PVT1: variants seen among roughly 807,000 people sequenced by gnomAD.
PVT1 encodes the protein Pvt1 oncogene.
At chr8:128,072,359 C>T (rs940820447) in intron 5 of PVT1, among the ~76,000 whole-genome samples, 1 of 152,180 alleles carries the variant, frequency 6.6e-6, no homozygotes. Flanking sequence ...AAAGACACAG[C>T]GCTCAATTCC....
At chr8:127,916,241 G>T (rs999244420) in intron 3 of PVT1, among the ~76,000 whole-genome samples, 10 of 152,200 alleles carry the variant, frequency 6.6e-5, no homozygotes, top group African/African-American at 2.2e-4. Context: ...AGTGCTTTGA[G>T]AATGGAAAAG....
At chr8:127,841,245 G>T (rs1814970102) in intron 2 of PVT1, among the ~76,000 whole-genome samples, 1 of 152,142 alleles carries the variant, frequency 6.6e-6, no homozygotes, top group Non-Finnish European at 1.5e-5. Flanking sequence ...GGAAGGGGAG[G>T]TAGGTACTAT....
At chr8:127,941,125 G>T (rs1037171711) in intron 3 of PVT1, among the ~76,000 whole-genome samples, 20 of 152,194 alleles carry the variant, frequency 1.3e-4, no homozygotes, top group Non-Finnish European at 8.8e-5. Flanking sequence ...CGCTAGGCTT[G>T]TGGCCTCCTC....
At chr8:127,961,464 A>G in intron 3 of PVT1, among the ~76,000 whole-genome samples, 1 of 152,208 alleles carries the variant, frequency 6.6e-6, no homozygotes. Context: ...TGTGTGTTGT[A>G]CTAGGAAATG....
chr8:127,971,748 G>A (rs991967485), intron 3 of PVT1, among the ~76,000 whole-genome samples: 3 of 152,196 alleles, frequency 2.0e-5, no homozygotes, highest in Non-Finnish European at 4.4e-5. Flanking sequence ...AATGCCCACT[G>A]TGAGGTTACA....
At chr8:128,041,371 G>A (rs556113993) in intron 4 of PVT1, among the ~76,000 whole-genome samples, 169 of 149,684 alleles carry the variant, frequency 1.1e-3, no homozygotes, top group African/African-American at 3.9e-3. Context: ...TGTTGTTTGT[G>A]TTTGTGTGCA....
At chr8:127,999,981 A>T (rs1817156519) in intron 4 of PVT1, among the ~76,000 whole-genome samples, 1 of 152,204 alleles carries the variant, frequency 6.6e-6, no homozygotes, top group South Asian at 2.1e-4. Context: ...GATGTTTGCA[A>T]ACCGGGACTC....
intron 4 of PVT1, among the ~76,000 whole-genome samples, chr8:128,049,877 A>G (rs1023976765): frequency 2.0e-4 from 30 of 152,142 alleles, no homozygotes; most frequent in African/African-American, 6.8e-4. Context: ...TTTGCATTCC[A>G]TTGATCTCTT....
chr8:127,996,044 T>G (rs62512837), intron 4 of PVT1, among the ~76,000 whole-genome samples: 46,838 of 151,918 alleles, frequency 0.31, 8,360 homozygotes, highest in Admixed American at 0.51. Flanking sequence ...AGCAGACACC[T>G]TCTCCTCCCT....
chr8:128,083,114 A>C (rs1374749978), intron 5 of PVT1, among the ~76,000 whole-genome samples: 1 of 152,210 alleles, frequency 6.6e-6, no homozygotes, highest in Non-Finnish European at 1.5e-5. Context: ...GTGACTTTAG[A>C]CAAGTCACTT....
At chr8:127,816,613 T>A (rs78729898) in intron 2 of PVT1, among the ~76,000 whole-genome samples, 1 of 151,784 alleles carries the variant, frequency 6.6e-6, no homozygotes, top group African/African-American at 2.4e-5. Context: ...AACCTCCACC[T>A]CCTGGGTTCA....
chr8:127,853,524 T>A (rs1815127891), intron 2 of PVT1, among the ~76,000 whole-genome samples: 1 of 152,160 alleles, frequency 6.6e-6, no homozygotes, highest in Non-Finnish European at 1.5e-5. Context: ...CTCGAGCCTG[T>A]AATCCCAGCA....
chr8:127,955,994 G>T (rs1199666506), intron 3 of PVT1, among the ~76,000 whole-genome samples: 1 of 152,246 alleles, frequency 6.6e-6, no homozygotes, highest in African/African-American at 2.4e-5. Context: ...CTGGGTAGTT[G>T]GCCTCTAGGC....
intron 2 of PVT1, among the ~76,000 whole-genome samples, chr8:127,873,913 A>G (rs1815378127): frequency 1.3e-5 from 2 of 152,218 alleles, no homozygotes; most frequent in South Asian, 4.1e-4. Context: ...TGTGCAGTAA[A>G]TGTCTAGTGG....
chr8:127,819,163 T>C (rs186124683), intron 2 of PVT1, among the ~76,000 whole-genome samples: 284 of 152,320 alleles, frequency 1.9e-3, no homozygotes, highest in African/African-American at 6.5e-3. Context: ...TAAATCATCA[T>C]TGAAGGAGCA....
chr8:128,049,539 C>A (rs2648862), intron 4 of PVT1, among the ~76,000 whole-genome samples: 4,751 of 152,228 alleles, frequency 0.031, 171 homozygotes, highest in East Asian at 0.19. Flanking sequence ...TCCGTGGGCC[C>A]CTCCAGGTCC....
chr8:127,973,135 A>G (rs1208053834), intron 3 of PVT1, among the ~76,000 whole-genome samples: 2 of 152,108 alleles, frequency 1.3e-5, no homozygotes, highest in African/African-American at 2.4e-5. Flanking sequence ...ACTCCAAGCA[A>G]TCCTCCTGCC....
intron 3 of PVT1, among the ~76,000 whole-genome samples, chr8:127,945,499 G>A (rs1816409186): frequency 6.6e-6 from 1 of 152,138 alleles, no homozygotes; most frequent in South Asian, 2.1e-4. Context: ...TGCCATTTCT[G>A]GTAGTTCCCC....
At chr8:127,956,306 A>C (rs1586454459) in intron 3 of PVT1, among the ~76,000 whole-genome samples, 2 of 152,362 alleles carry the variant, frequency 1.3e-5, no homozygotes, top group East Asian at 3.9e-4. Context: ...ATCCAGCACC[A>C]TCAAAGGCCT....
Sources: gnomAD v4.1 joint callset for allele counts (sites outside exome capture counted in the v4.1 genomes callset) on GRCh38, gnomAD v4.1.1 for gene constraint, MANE v1.5 for transcripts, NCBI Gene and HGNC (gene_info 2026-07-23, HGNC 2026-07-21) for gene names.